The following UBA2 variants were observed in gnomAD, a reference collection of about 807,000 sequenced individuals.
UBA2 encodes ubiquitin like modifier activating enzyme 2.
In UBA2, 11 loss-of-function variants were observed where a neutral mutation model predicts 77.2. The observed-to-expected ratio is 0.14, with a 90% CI of 0.09 to 0.24. The LOEUF is 0.24. UBA2 is among the 10% of genes least tolerant of loss of function. The pLI is 1.00. For synonymous variants in UBA2, 278 were observed against 276.7 expected, an observed-to-expected ratio of 1.00 and a Z score of -0.05; for missense variants, 487 against 781.7, an observed-to-expected ratio of 0.62 and a Z score of 4.50.
chr19:34,433,147 A>G (rs929569545), intron 3 of UBA2: 1 of 489,198 alleles, frequency 2.0e-6, no homozygotes, highest in African/African-American at 2.0e-5. Context: ...CTGGCCAAAA[A>G]GGATAGGAAT....
At chr19:34,446,463 A>G (rs534720191) in intron 8 of UBA2, among the ~76,000 whole-genome samples, 4 of 151,768 alleles carry the variant, frequency 2.6e-5, no homozygotes, top group African/African-American at 9.7e-5. Flanking sequence ...TGTGTCTCGG[A>G]TCTTTTTTTT....
intron 8 of UBA2, among the ~76,000 whole-genome samples, chr19:34,446,348 T>C (rs563622442): frequency 1.1e-4 from 17 of 152,348 alleles, no homozygotes; most frequent in South Asian, 4.1e-4. Flanking sequence ...AAAACTCTTT[T>C]TCTTTCTGCT....
At chr19:34,435,964 T>C (rs908961217) in intron 5 of UBA2, among the ~76,000 whole-genome samples, 7 of 151,310 alleles carry the variant, frequency 4.6e-5, no homozygotes, top group African/African-American at 1.5e-4. Flanking sequence ...CTACTAAAAA[T>C]ACAAAAATCA....
chr19:34,454,446 A>G lies in UBA2; in HGVS notation c.1135A>G (p.Met379Val). The G allele has an allele frequency of 6.3e-7, 1 of 1,590,828 alleles. No homozygotes were observed. Among genetic ancestry groups the G allele is most frequent in the Non-Finnish European group, 8.5e-7 (1 of 1,170,926 alleles). The change falls in exon 12 of 17, where the codon ATG becomes GTG. Residue 379 changes from methionine to valine, a missense_variant and splice_region_variant. This residue lies in a region of UBA2 where 300 missense variants were observed against 454.3 expected (regional missense o/e 0.66). Transcript: ENST00000246548. ...TCATCCTTTTTTTTTTTTCCCAGCA[A>G]TGGCAGGGAACATTATTCCTGCTAT... ...NMKSRFDIKS[M>V]AGNIIPAIAT...
chr19:34,463,428 G>C (rs1193626792), intron 14 of UBA2, among the ~76,000 whole-genome samples: 1 of 152,152 alleles, frequency 6.6e-6, no homozygotes. Context: ...CACAGTTCTG[G>C]AGGCTGGAAC....
intron 15 of UBA2, among the ~76,000 whole-genome samples, chr19:34,466,061 C>T (rs138412655): frequency 2.6e-4 from 40 of 151,978 alleles, no homozygotes; most frequent in Middle Eastern, 3.4e-3. Context: ...GTAGGCCAGG[C>T]GTGACGGCTC....
intron 4 of UBA2, among the ~76,000 whole-genome samples, chr19:34,434,394 G>T (rs1347146432): frequency 6.6e-6 from 1 of 152,170 alleles, no homozygotes; most frequent in East Asian, 1.9e-4. Flanking sequence ...GAGATTATGG[G>T]CATGAGCCAG....
chr19:34,433,043 G>A (rs555353435), intron 3 of UBA2, among the ~76,000 whole-genome samples: 6 of 152,150 alleles, frequency 3.9e-5, no homozygotes, highest in Admixed American at 6.5e-5. Context: ...TTCTTTATGC[G>A]TTCCCAGGCA....
At chr19:34,448,365 C>T (rs1270167585) in intron 8 of UBA2, among the ~76,000 whole-genome samples, 5 of 151,846 alleles carry the variant, frequency 3.3e-5, no homozygotes, top group East Asian at 1.9e-4. Context: ...AAGGCTGAGG[C>T]GGGAGGATCA....
At chr19:34,442,719 CCA>C (rs2075384047) in intron 6 of UBA2, among the ~76,000 whole-genome samples, 3 of 152,200 alleles carry the variant, frequency 2.0e-5, no homozygotes, top group Non-Finnish European at 4.4e-5. Flanking sequence ...ATGTGAGCCA[CCA>C]CGCCCAGCCA....
rs1254193205 is a variant in UBA2 at position 34,470,772 on chromosome 19, T to G, written c.*1551T>G. The G allele has an allele frequency of 6.6e-6, 1 of 152,312 alleles. No homozygotes were observed. Among genetic ancestry groups the G allele is most frequent in the Non-Finnish European group, 1.5e-5 (1 of 68,118 alleles). The allele number at this position is 152,312 out of a possible 1,614,324, so 9.4% of individuals were successfully genotyped here. The stretch of plus-strand genomic sequence containing the variant: ...CTCCTGACCTCGTGATCCACCTGCC[T>G]CAGCCTCCCAAAGTGCTGGGATTAC... On this transcript the variant is annotated 3_prime_UTR_variant, in exon 17 of 17. Transcript: ENST00000246548.
intron 6 of UBA2, among the ~76,000 whole-genome samples, chr19:34,442,152 T>C (rs2075377237): frequency 6.6e-6 from 1 of 152,080 alleles, no homozygotes; most frequent in African/African-American, 2.4e-5. Context: ...AGAGGATCAC[T>C]TGAGCCTAGG....
At chr19:34,438,619 AT>A (rs762810917) in intron 5 of UBA2, 25 bp from the exon 6 acceptor site, 15 of 1,610,764 alleles carry the variant, frequency 9.3e-6, no homozygotes, top group Non-Finnish European at 5.1e-6. Context: ...CATGGAGTAA[AT>A]TTTTCTCATA....
At chr19:34,433,278 G>T in intron 3 of UBA2, 70 bp from the exon 4 acceptor site, 1 of 1,115,438 alleles carries the variant, frequency 9.0e-7, no homozygotes, top group Non-Finnish European at 1.3e-6. Flanking sequence ...TTTCAGAACT[G>T]TTTATTATAC....
chr19:34,456,104 T>C (rs1568380620), intron 12 of UBA2, among the ~76,000 whole-genome samples: 1 of 40,652 alleles, frequency 2.5e-5, no homozygotes, highest in African/African-American at 6.4e-5. Context: ...CCTTTTCTTT[T>C]TCTTTTTTTT....
In UBA2 at chr19:34,452,117, G is replaced by A; in HGVS notation, c.1008G>A (p.Lys336=). 2 of 1,609,074 alleles carry A rather than the reference G, an allele frequency of 1.2e-6. No homozygotes were observed. The highest frequency in any genetic ancestry group is 8.5e-7 in the Non-Finnish European group (1 of 1,176,514). The change falls in exon 10 of 17, where the codon AAG becomes AAA. Residue 336 remains lysine (K), a synonymous_variant. Coordinates refer to ENST00000246548, the MANE Select transcript of UBA2 (RefSeq NM_005499.3). The stretch of plus-strand genomic sequence containing the variant: ...CTTTGAGAGTTCATTTAGCAGAAAA[G>A]GGGGATGGAGCTGAGCTCATATGGG... ...IETLRVHLAE[K]GDGAELIWDK...
intron 6 of UBA2, among the ~76,000 whole-genome samples, chr19:34,440,244 A>G (rs2075353893): frequency 6.6e-6 from 1 of 150,778 alleles, no homozygotes; most frequent in Non-Finnish European, 1.5e-5. Flanking sequence ...GAATCACTTG[A>G]ACCCAGTGGG....
chr19:34,446,045 A>G (rs2075426680), intron 8 of UBA2, among the ~76,000 whole-genome samples: 1 of 151,532 alleles, frequency 6.6e-6, no homozygotes, highest in Admixed American at 6.6e-5. Flanking sequence ...TTTGTGGAGA[A>G]TGGGGTCTCA....
intron 4 of UBA2, 43 bp from the exon 5 acceptor site, chr19:34,434,824 AT>A (rs34502777): frequency 1.2e-3 from 1,572 of 1,335,188 alleles, no homozygotes; most frequent in East Asian, 1.6e-3. Flanking sequence ...AAGATAACTA[AT>A]TTTTTTTTTC....
Sources: gnomAD v4.1 joint callset for allele counts (sites outside exome capture counted in the v4.1 genomes callset) on GRCh38, gnomAD v4.1.1 for gene constraint, gnomAD v4.1.1 regional missense constraint, MANE v1.5 for transcripts, NCBI Gene and HGNC (gene_info 2026-07-23, HGNC 2026-07-21) for gene names.